The following LRP1B variants were observed in gnomAD, a reference collection of about 807,000 sequenced individuals.
LRP1B encodes the protein LDL receptor related protein 1B.
Under a neutral mutation model 556.6 loss-of-function variants are expected in LRP1B, and 217 were observed. The ratio of observed to expected loss-of-function variants is 0.39; its 90% CI spans 0.35 to 0.44. The LOEUF (loss-of-function observed/expected upper bound fraction) is 0.44. Among genes scored for constraint, LRP1B ranks in the 20% least tolerant of loss-of-function variants. The pLI is 1.00. For missense variants in LRP1B, 5,053 were observed against 5,620.8 expected (o/e 0.90, Z 3.23); for synonymous variants, 2,047 against 1,865.8 (o/e 1.10, Z -2.50).
chr2:140,265,550 TG>T (rs1252707599), intron 86 of LRP1B, among the ~76,000 whole-genome samples: 5 of 152,112 alleles, frequency 3.3e-5, no homozygotes, highest in African/African-American at 1.2e-4. Flanking sequence ...TTCATAGATC[TG>T]GATACTATAT....
At chr2:141,820,334 A>G (rs751625419) in intron 1 of LRP1B, among the ~76,000 whole-genome samples, 2 of 152,204 alleles carry the variant, frequency 1.3e-5, no homozygotes, top group Non-Finnish European at 2.9e-5. Context: ...AGAAAAATAT[A>G]TTTAGATTAT....
intron 51 of LRP1B, among the ~76,000 whole-genome samples, chr2:140,512,122 C>A (rs963792390): frequency 3.3e-5 from 5 of 152,056 alleles, no homozygotes; most frequent in Non-Finnish European, 7.4e-5. Context: ...GAAAGAGCCC[C>A]GATTTGGCAG....
chr2:141,584,031 C>T lies in LRP1B; in HGVS notation c.206-103498G>A, dbSNP rs115997955. 4.5e-3 allele frequency among the ~76,000 whole-genome samples: 683 copies of T among 151,774 alleles called. 3 individuals carry two copies. Among genetic ancestry groups the T allele is most frequent in the African/African-American group, 0.016 (644 of 41,388 alleles). ...TGTGGCAGCCGGCAAATAACTTGAG[C>T]CTAGGAATTTGAGACTAGCTGGGCT... On this transcript the variant is annotated intron_variant, in intron 2 of 90. Transcript: ENST00000389484.
chr2:141,643,669 G>A (rs929612107), intron 2 of LRP1B, among the ~76,000 whole-genome samples: 4 of 152,058 alleles, frequency 2.6e-5, no homozygotes, highest in Non-Finnish European at 5.9e-5. Flanking sequence ...GAGCTAAAAA[G>A]GATCAAAGAG....
At chr2:141,967,251 C>T (rs376265330) in intron 1 of LRP1B, among the ~76,000 whole-genome samples, 32 of 151,950 alleles carry the variant, frequency 2.1e-4, no homozygotes, top group African/African-American at 7.0e-4. Context: ...TGAACAAACT[C>T]CCAAGTTCAA....
rs1687216201 is a variant in LRP1B at position 140,716,537 on chromosome 2, C to G, written c.5893+145G>C. ...CTCAAAAACATTAGAAGGAGCGAAG[C>G]CAAAAGCAAAAGAGACTATTTACCC... On this transcript the variant is annotated intron_variant, in intron 36 of 90. Coordinates refer to ENST00000389484, the MANE Select transcript of LRP1B (RefSeq NM_018557.3). The G allele has an allele frequency of 5.4e-6, 4 of 742,644 alleles. No homozygotes were observed. The African/African-American group carries it at 7.3e-5, about 14-fold the overall frequency. 46.0% of individuals were successfully genotyped at this position (742,644 alleles called of 1,614,324 possible).
intron 3 of LRP1B, among the ~76,000 whole-genome samples, chr2:141,440,250 T>A (rs1347703878): frequency 6.6e-6 from 1 of 152,204 alleles, no homozygotes; most frequent in African/African-American, 2.4e-5. Context: ...CTCCAGGGAC[T>A]TAAACGTTTT....
chr2:141,741,263 CTTTTTT>C (rs11326947), intron 2 of LRP1B, among the ~76,000 whole-genome samples: 11 of 57,982 alleles, frequency 1.9e-4, no homozygotes, highest in South Asian at 6.3e-4. Context: ...TACTGATTTC[CTTTTTT>C]TTTTTTTTTT....
intron 77 of LRP1B, among the ~76,000 whole-genome samples, chr2:140,345,837 T>TAC (rs1343777583): frequency 7.2e-5 from 10 of 138,774 alleles, no homozygotes; most frequent in South Asian, 4.3e-4. Context: ...CATATATATA[T>TAC]ACACATACAC....
chr2:141,086,892 C>G (rs1558851069), intron 7 of LRP1B, among the ~76,000 whole-genome samples: 1 of 152,130 alleles, frequency 6.6e-6, no homozygotes, highest in Non-Finnish European at 1.5e-5. Context: ...GCTTATTGCT[C>G]TGCACACCAA....
At chr2:140,541,255 G>C (rs1363771125) in intron 44 of LRP1B, among the ~76,000 whole-genome samples, 157 bp from the exon 45 acceptor site, 2 of 151,996 alleles carry the variant, frequency 1.3e-5, no homozygotes, top group Admixed American at 1.3e-4. Flanking sequence ...CATTCCTAAG[G>C]CTAAGTACAT....
chr2:140,341,722 T>G (rs1456748253), intron 77 of LRP1B, among the ~76,000 whole-genome samples: 1 of 151,360 alleles, frequency 6.6e-6, no homozygotes, highest in Non-Finnish European at 1.5e-5. Flanking sequence ...TTTATAGCTA[T>G]GTAAGAAAAT....
chr2:141,344,342 C>T (rs1688171644), intron 3 of LRP1B, among the ~76,000 whole-genome samples: 1 of 152,168 alleles, frequency 6.6e-6, no homozygotes, highest in South Asian at 2.1e-4. Flanking sequence ...AACTCATCTG[C>T]TACTCCACTT....
At chr2:141,395,601 G>A (rs1012489036) in intron 3 of LRP1B, among the ~76,000 whole-genome samples, 4 of 152,094 alleles carry the variant, frequency 2.6e-5, no homozygotes, top group South Asian at 2.1e-4. Flanking sequence ...TTGACACGAT[G>A]AGGATCCCAA....
chr2:140,323,400 G>GCCA (rs1680265487), intron 81 of LRP1B, among the ~76,000 whole-genome samples: 1 of 151,878 alleles, frequency 6.6e-6, no homozygotes, highest in Admixed American at 6.6e-5. Flanking sequence ...AAGAATGATA[G>GCCA]TTACTTGTTG....
At chr2:140,383,696 C>A (rs959547327) in intron 67 of LRP1B, among the ~76,000 whole-genome samples, 2 of 152,128 alleles carry the variant, frequency 1.3e-5, no homozygotes, top group East Asian at 3.9e-4. Flanking sequence ...TTATACTTGT[C>A]CCATATATGC....
intron 23 of LRP1B, among the ~76,000 whole-genome samples, chr2:140,900,436 C>A (rs770270270): frequency 2.4e-4 from 36 of 152,136 alleles, no homozygotes; most frequent in Non-Finnish European, 4.0e-4. Context: ...CCTCTCAAGC[C>A]AATTACTTTG....
At chr2:142,080,546 A>C (rs987538070) in intron 1 of LRP1B, among the ~76,000 whole-genome samples, 3 of 152,164 alleles carry the variant, frequency 2.0e-5, no homozygotes, top group Non-Finnish European at 4.4e-5. Context: ...ATAAATAAAT[A>C]AATCAGTTTT....
intron 3 of LRP1B, among the ~76,000 whole-genome samples, chr2:141,439,796 C>T (rs1294641684): frequency 6.6e-6 from 1 of 152,094 alleles, no homozygotes; most frequent in Admixed American, 6.5e-5. Context: ...AAATAATCCA[C>T]ATAGTAATTA....
Sources: allele counts gnomAD v4.1 joint callset (sites outside exome capture counted in the v4.1 genomes callset), GRCh38; gene constraint gnomAD v4.1.1; transcripts MANE v1.5; gene names NCBI Gene and HGNC (gene_info 2026-07-23, HGNC 2026-07-21).